NLGN1: variants seen among roughly 807,000 people sequenced by gnomAD.
NLGN1 encodes the protein neuroligin-1.
NLGN1 carries 12 observed loss-of-function variants against 65.5 expected under a neutral mutation model. The ratio of observed to expected loss-of-function variants is 0.18; its 90% CI spans 0.12 to 0.30. The LOEUF (loss-of-function observed/expected upper bound fraction) is 0.30. NLGN1 is among the 10% of genes least tolerant of loss of function. NLGN1 has a pLI of 1.00. For synonymous variants in NLGN1, 350 were observed against 359.5 expected (o/e 0.97, Z 0.30); for missense variants, 750 against 1,007.1 (o/e 0.74, Z 3.46).
chr3:174,005,242 G>A (rs987256013), intron 4 of NLGN1, among the ~76,000 whole-genome samples: 2 of 152,102 alleles, frequency 1.3e-5, no homozygotes, highest in African/African-American at 4.8e-5. Flanking sequence ...AATTATGAAG[G>A]TAGTTTTATT....
chr3:173,661,015 A>G (rs1225420474), intron 3 of NLGN1, among the ~76,000 whole-genome samples: 1 of 151,986 alleles, frequency 6.6e-6, no homozygotes, highest in Non-Finnish European at 1.5e-5. Flanking sequence ...ATCTGAAAAG[A>G]CTGAAAAGCA....
intron 1 of NLGN1, among the ~76,000 whole-genome samples, chr3:173,431,951 T>C (rs964333545): frequency 5.3e-5 from 8 of 152,204 alleles, no homozygotes; most frequent in African/African-American, 1.7e-4. Flanking sequence ...TTTGGCTTTT[T>C]AAAAATGTCG....
chr3:173,464,034 A>G (rs1011732493), intron 2 of NLGN1, among the ~76,000 whole-genome samples: 5 of 152,136 alleles, frequency 3.3e-5, no homozygotes, highest in Admixed American at 1.3e-4. Flanking sequence ...AATCATTTCT[A>G]AAGTCTAAAG....
At chr3:173,981,184 G>A (rs933485528) in intron 4 of NLGN1, among the ~76,000 whole-genome samples, 4 of 152,126 alleles carry the variant, frequency 2.6e-5, no homozygotes, top group African/African-American at 9.7e-5. Context: ...AATAACAACA[G>A]CATGACAGTT....
rs180785086 is a variant in NLGN1 at position 173,880,071 on chromosome 3, T to C, written c.646+72239T>C. ...TCTCATCTTAAAAATATATTGTGTGTGAAAATCCAAAAAGATTTTCTTCTT... is the reference window on the plus strand; with the variant it reads ...TCTCATCTTAAAAATATATTGTGTGCGAAAATCCAAAAAGATTTTCTTCTT... On this transcript the variant is annotated intron_variant, in intron 4 of 6. Coordinates refer to ENST00000457714, the Ensembl canonical transcript of NLGN1. Among the ~76,000 whole-genome samples, 426 of 152,240 alleles carry C rather than the reference T, an allele frequency of 2.8e-3. 1 individual carries two copies. Among genetic ancestry groups the C allele is most frequent in the African/African-American group, 9.5e-3 (394 of 41,544 alleles).
chr3:173,913,536 A>G (rs1740076805), intron 4 of NLGN1, among the ~76,000 whole-genome samples: 1 of 152,202 alleles, frequency 6.6e-6, no homozygotes, highest in Admixed American at 6.6e-5. Context: ...AAGAAGGCAG[A>G]TAACAAGGCA....
At chr3:173,865,393 T>C (rs1001042122) in intron 4 of NLGN1, among the ~76,000 whole-genome samples, 9 of 152,202 alleles carry the variant, frequency 5.9e-5, no homozygotes, top group African/African-American at 1.7e-4. Context: ...CCATCATTTC[T>C]AGTAGTTTGC....
At chr3:173,907,556 T>C (rs2152208590) in intron 4 of NLGN1, among the ~76,000 whole-genome samples, 1 of 151,750 alleles carries the variant, frequency 6.6e-6, no homozygotes, top group Non-Finnish European at 1.5e-5. Context: ...AGAAGGCGTA[T>C]CTTAGATGGC....
At chr3:174,146,983 A>G (rs1324405983) in intron 4 of NLGN1, among the ~76,000 whole-genome samples, 1 of 152,242 alleles carries the variant, frequency 6.6e-6, no homozygotes, top group Non-Finnish European at 1.5e-5. Context: ...TTCCGTTCAT[A>G]AAAGTTATAC....
In NLGN1 at chr3:173,416,977, A is replaced by C. The variant is rs188290516; in HGVS notation, c.-389-18033A>C. ...AATATTCATCTGTCTGTATGAATTC[A>C]ACTCTTATGTTCAATAATGGAAATA... On this transcript the variant is annotated intron_variant, in intron 1 of 6. Transcript: ENST00000457714. Among the ~76,000 whole-genome samples the C allele has an allele frequency of 2.8e-3, 421 of 152,210 alleles. 2 individuals are homozygous for C. The highest frequency in any genetic ancestry group is 4.9e-3 in the Non-Finnish European group (332 of 67,952).
chr3:174,022,409 C>A (rs1727926397), intron 4 of NLGN1, among the ~76,000 whole-genome samples: 4 of 152,050 alleles, frequency 2.6e-5, no homozygotes, highest in Admixed American at 2.6e-4. Context: ...ATTGCCAAGA[C>A]AGCATTTATG....
intron 4 of NLGN1, among the ~76,000 whole-genome samples, chr3:173,826,205 AG>A: frequency 6.6e-6 from 1 of 152,206 alleles, no homozygotes; most frequent in Non-Finnish European, 1.5e-5. Context: ...CTGGAAATAT[AG>A]AAAACTCTTG....
intron 4 of NLGN1, among the ~76,000 whole-genome samples, chr3:174,203,140 C>T (rs1030443531): frequency 6.6e-5 from 10 of 152,124 alleles, no homozygotes; most frequent in South Asian, 2.1e-4. Context: ...GAGAGTTCTT[C>T]GCCATTTCTA....
At chr3:173,665,053 C>T (rs1761503186) in intron 3 of NLGN1, among the ~76,000 whole-genome samples, 1 of 152,190 alleles carries the variant, frequency 6.6e-6, no homozygotes, top group East Asian at 1.9e-4. Context: ...TGACAACATA[C>T]AAGAAATACA....
intron 3 of NLGN1, among the ~76,000 whole-genome samples, chr3:173,757,594 A>T (rs555361572): frequency 6.6e-6 from 1 of 152,184 alleles, no homozygotes; most frequent in East Asian, 1.9e-4. Flanking sequence ...AAAGAGGGTT[A>T]TAATTTTAAA....
At chr3:173,785,959 G>A (rs1189621619) in intron 3 of NLGN1, among the ~76,000 whole-genome samples, 1 of 152,130 alleles carries the variant, frequency 6.6e-6, no homozygotes, top group Non-Finnish European at 1.5e-5. Context: ...AGGTAGAAGA[G>A]GAAAGGGTCA....
intron 3 of NLGN1, among the ~76,000 whole-genome samples, chr3:173,755,795 C>T (rs1423189799): frequency 6.6e-6 from 1 of 152,124 alleles, no homozygotes; most frequent in East Asian, 1.9e-4. Flanking sequence ...ATATCAAAGG[C>T]ATAGTCAACT....
intron 4 of NLGN1, among the ~76,000 whole-genome samples, chr3:173,893,158 A>T (rs1339285278): frequency 6.6e-6 from 1 of 152,092 alleles, no homozygotes; most frequent in Admixed American, 6.6e-5. Flanking sequence ...CATGTTTCCA[A>T]CTTCTAGCTA....
chr3:173,605,822 C>T (rs1158024383), intron 3 of NLGN1, among the ~76,000 whole-genome samples: 2 of 152,032 alleles, frequency 1.3e-5, no homozygotes, highest in Non-Finnish European at 2.9e-5. Context: ...CTGGTAGCAT[C>T]GGCAAGAGTT....
Sources: allele counts gnomAD v4.1 joint callset (sites outside exome capture counted in the v4.1 genomes callset), GRCh38; gene constraint gnomAD v4.1.1; transcripts MANE v1.5; gene names NCBI Gene and HGNC (gene_info 2026-07-23, HGNC 2026-07-21).